SPNS3: variants seen among roughly 807,000 people sequenced by gnomAD.
SPNS3 encodes the protein SPNS lysolipid transporter 3, sphingosine-1-phosphate (putative).
In SPNS3, 51 loss-of-function variants were observed where a neutral mutation model predicts 54.4. The observed-to-expected ratio is 0.94, with a 90% confidence interval of 0.75 to 1.18. The LOEUF (loss-of-function observed/expected upper bound fraction) is 1.18, where lower values mean the gene tolerates loss of function less well. Among genes scored for constraint, SPNS3 ranks in the 50% most tolerant of loss-of-function variants. The pLI is 0.00. For missense variants in SPNS3, 669 were observed against 677.4 expected, an observed-to-expected ratio of 0.99 and a Z score of 0.14; for synonymous variants, 309 against 294.7, an observed-to-expected ratio of 1.05 and a Z score of -0.50.
At chr17:4,446,265 G>C in intron 4 of SPNS3, 66 bp downstream of exon 4, 3 of 1,535,334 alleles carry the variant, frequency 2.0e-6, no homozygotes, top group Non-Finnish European at 2.7e-6. Context: ...TCAGAACAGG[G>C]GCTGGACCTG....
intron 8 of SPNS3, among the ~76,000 whole-genome samples, chr17:4,456,283 T>A (rs1024025020): frequency 6.6e-6 from 1 of 152,090 alleles, no homozygotes; most frequent in Non-Finnish European, 1.5e-5. Flanking sequence ...AATCCTCCCC[T>A]GAGCATGACT....
At chr17:4,485,717 T>A (rs1972294773) in intron 9 of SPNS3, among the ~76,000 whole-genome samples, 1 of 152,152 alleles carries the variant, frequency 6.6e-6, no homozygotes, top group Non-Finnish European at 1.5e-5. Context: ...TTCTTTATGT[T>A]CTCAGCCTTG....
intron 4 of SPNS3, chr17:4,446,649 A>G: frequency 1.7e-6 from 1 of 579,856 alleles, no homozygotes; most frequent in Non-Finnish European, 3.1e-6. Flanking sequence ...GGTGTAGGGT[A>G]TGTGTTTCCA....
intron 8 of SPNS3, among the ~76,000 whole-genome samples, chr17:4,476,160 A>G (rs1419397451): frequency 6.6e-6 from 1 of 152,164 alleles, no homozygotes; most frequent in Non-Finnish European, 1.5e-5. Flanking sequence ...GGAGACTGTA[A>G]TTACAGGATT....
At position 4,486,511 on chromosome 17, in the gene SPNS3, G is replaced by C. The variant is rs1431272474; in HGVS notation, c.1378G>C (p.Gly460Arg). The change falls in exon 11 of 12, where the codon GGG becomes CGG. Residue 460 changes from glycine (G) to arginine (R), a missense_variant. By Grantham distance (125) the Gly-to-Arg change is moderately radical (BLOSUM62 -2). Coordinates refer to ENST00000355530, the MANE Select transcript of SPNS3 (RefSeq NM_182538.5). The surrounding 1 kb of genome is among the most constrained non-coding windows in gnomAD (Gnocchi z 5.5). Reference protein sequence around the residue: ...FLCCAFVIALGGGCFLLTALY... With the variant: ...FLCCAFVIALRGGCFLLTALY... Reference sequence around the variant, plus strand: ...GTGCTGCGCCTTTGTCATCGCCCTGGGGGGCGGCTGCTTCCTGCTGACTGC... The same window carrying C: ...GTGCTGCGCCTTTGTCATCGCCCTGCGGGGCGGCTGCTTCCTGCTGACTGC... The C allele has an allele frequency of 6.2e-7, 1 of 1,613,672 alleles. No homozygotes were observed. The highest frequency in any genetic ancestry group is 1.1e-5 in the South Asian group (1 of 91,082).
intron 8 of SPNS3, among the ~76,000 whole-genome samples, chr17:4,468,515 A>C (rs990036841): frequency 6.7e-6 from 1 of 148,730 alleles, no homozygotes; most frequent in Non-Finnish European, 1.5e-5. Flanking sequence ...GGCGGCTCCA[A>C]GGTTTTTGCC....
At chr17:4,456,326 G>C (rs1971313963) in intron 8 of SPNS3, among the ~76,000 whole-genome samples, 1 of 152,146 alleles carries the variant, frequency 6.6e-6, no homozygotes, top group African/African-American at 2.4e-5. Context: ...AAATGGGATA[G>C]CTCTGTTCTC....
chr17:4,459,955 T>G (rs1971451806), intron 8 of SPNS3, among the ~76,000 whole-genome samples: 1 of 152,012 alleles, frequency 6.6e-6, no homozygotes, highest in South Asian at 2.1e-4. Context: ...AGGGTAGCAA[T>G]TTTTTGTAGG....
chr17:4,455,925 G>C (rs73975126), intron 8 of SPNS3, among the ~76,000 whole-genome samples: 6,075 of 152,072 alleles, frequency 0.04, 342 homozygotes, highest in African/African-American at 0.13. Flanking sequence ...TGTGGGGGGG[G>C]GGTGAGTGTC....
chr17:4,482,036 G>GC (rs1440534413), intron 9 of SPNS3: 7 of 152,248 alleles, frequency 4.6e-5, no homozygotes, highest in African/African-American at 1.7e-4. Flanking sequence ...CTACAGGCAT[G>GC]CGCCACCACG....
rs749340306 is a variant in SPNS3 at position 4,439,738 on chromosome 17, T to G, written c.265+15T>G. 3 of 1,607,022 alleles carry G rather than the reference T, an allele frequency of 1.9e-6. No individual in the cohort carries two copies. The Admixed American group carries it at 5.1e-5, about 27-fold the overall frequency. The stretch of plus-strand genomic sequence containing the variant: ...GCTTCAGACTGGTAAGGAGGAGCCC[T>G]GGCTCTGGAGCCGGGGCCCTGGGTT... On this transcript the variant is annotated intron_variant, in intron 2 of 11. Coordinates refer to ENST00000355530, the MANE Select transcript of SPNS3 (RefSeq NM_182538.5).
At position 4,461,361 on chromosome 17, in the gene SPNS3, C is replaced by CTTTTTTTTTTTTTTTTTTTT. The variant is rs55928003; in HGVS notation, c.1113+8163_1113+8182dup. Among the ~76,000 whole-genome samples, 61 of 33,416 alleles carry CTTTTTTTTTTTTTTTTTTTT rather than the reference C, an allele frequency of 1.8e-3. 8 individuals are homozygous for CTTTTTTTTTTTTTTTTTTTT. Among genetic ancestry groups the CTTTTTTTTTTTTTTTTTTTT allele is most frequent in the Non-Finnish European group, 2.7e-3 (44 of 16,578 alleles). The allele number at this position is 33,416 out of a possible 152,430, so 21.9% of individuals were successfully genotyped here. ...TATTTGCTTTCTTTTCTTTTCTTTT[C>CTTTTTTTTTTTTTTTTTTTT]TTTTTTTTTTTTTTTTTTTTTTTTT... On this transcript the variant is annotated intron_variant, in intron 8 of 11. Coordinates refer to ENST00000355530, the MANE Select transcript of SPNS3 (RefSeq NM_182538.5).
intron 8 of SPNS3, among the ~76,000 whole-genome samples, chr17:4,458,600 T>TTCCCTCCTTC (rs1971395719): frequency 1.2e-5 from 1 of 85,632 alleles, no homozygotes; most frequent in Non-Finnish European, 2.2e-5. Context: ...TTTCTTTCTT[T>TTCCCTCCTTC]CTTTCTTTCT....
rs911961119 is a variant in SPNS3 at position 4,450,707 on chromosome 17, C to G, written c.923+1320C>G. On this transcript the variant is annotated intron_variant, in intron 7 of 11. Transcript: ENST00000355530. ...CACCTCCCAGGTTCAAGTGATTCTCCTACCTCAGCCTCCCGAGTAGCTAAG... is the reference window on the plus strand; with the variant it reads ...CACCTCCCAGGTTCAAGTGATTCTCGTACCTCAGCCTCCCGAGTAGCTAAG... 3.3e-5 allele frequency among the ~76,000 whole-genome samples: 5 copies of G among 152,034 alleles called. No homozygotes were observed. In the East Asian group the frequency reaches 9.6e-4, roughly 29 times the overall value.
chr17:4,443,890 C>T (rs1567554549), intron 2 of SPNS3, among the ~76,000 whole-genome samples: 1 of 152,228 alleles, frequency 6.6e-6, no homozygotes, highest in African/African-American at 2.4e-5. Flanking sequence ...CCCTTGAGCC[C>T]AGGAGTTCGA....
At chr17:4,450,455 C>T (rs1489526301) in intron 7 of SPNS3, among the ~76,000 whole-genome samples, 2 of 149,526 alleles carry the variant, frequency 1.3e-5, no homozygotes, top group Admixed American at 6.7e-5. Context: ...CACTCTGTCA[C>T]CAGGCTGGAG....
intron 5 of SPNS3, among the ~76,000 whole-genome samples, 193 bp downstream of exon 5, chr17:4,447,155 G>T (rs1366562909): frequency 6.6e-6 from 1 of 152,148 alleles, no homozygotes; most frequent in Non-Finnish European, 1.5e-5. Flanking sequence ...GTGGCCGTGG[G>T]CTCAAAAGCT....
intron 7 of SPNS3, among the ~76,000 whole-genome samples, chr17:4,450,826 T>G (rs1971144782): frequency 6.6e-6 from 1 of 150,758 alleles, no homozygotes; most frequent in Non-Finnish European, 1.5e-5. Context: ...CAGGCTGGTC[T>G]CGGACTCCTG....
rs1567577897 is a variant in SPNS3, at chr17:4,483,246, G to A, written c.1180-2982G>A. ...TTGGGTGGCCCTGGTTTCGCCCTCG[G>A]CTATAAAGGGAACGGCCCTTCTAAG... On this transcript the variant is annotated intron_variant, in intron 9 of 11. Coordinates refer to ENST00000355530, the MANE Select transcript of SPNS3 (RefSeq NM_182538.5). This position sits in a 1 kb window ranked among gnomAD's most constrained non-coding sequence, Gnocchi z 4.2. 6.6e-6 allele frequency among the ~76,000 whole-genome samples: 1 copy of A among 152,212 alleles called. No homozygotes were observed. The highest frequency in any genetic ancestry group is 1.5e-5 in the Non-Finnish European group (1 of 68,022).
Sources: allele counts gnomAD v4.1 joint callset (sites outside exome capture counted in the v4.1 genomes callset), GRCh38; gene constraint gnomAD v4.1.1; non-coding constraint Gnocchi (gnomAD v3.1); transcripts MANE v1.5; gene names NCBI Gene and HGNC (gene_info 2026-07-23, HGNC 2026-07-21).